Variants in CPD observed in about 807,000 individuals in gnomAD.
CPD encodes metallocarboxypeptidase D.
A neutral mutation model predicts 138.3 loss-of-function variants in CPD; 69 were observed. The ratio of observed to expected loss-of-function variants is 0.50; its 90% CI spans 0.41 to 0.61. The LOEUF (loss-of-function observed/expected upper bound fraction) is 0.61, where lower values mean the gene tolerates loss of function less well. Ranked by LOEUF, CPD falls within the 20% of genes least tolerant of loss-of-function variation. The probability of loss-of-function intolerance (pLI) is 0.00; values close to 1 mark genes in which losing one functional copy is unlikely to be tolerated. For missense variants in CPD, 1,432 were observed against 1,733.3 expected (o/e 0.83, Z 3.09); for synonymous variants, 651 against 642.1 (o/e 1.01, Z -0.21).
At chr17:30,417,453 G>C (rs543279760) in intron 2 of CPD, among the ~76,000 whole-genome samples, 16 of 152,214 alleles carry the variant, frequency 1.1e-4, no homozygotes, top group African/African-American at 3.1e-4. Context: ...GGGTATTTCT[G>C]TCTAAATATT....
Position 30,468,060 on chromosome 17 carries a change from G to A in CPD, c.*3246G>A, listed in dbSNP as rs1027058114. The stretch of plus-strand genomic sequence containing the variant: ...GCTAAAATTTTGGGGATATGATTTG[G>A]GTCTTTGATTAATGTCAGCTGAACT... On this transcript the variant is annotated 3_prime_UTR_variant, in exon 21 of 21. Coordinates refer to ENST00000225719, the MANE Select transcript of CPD (RefSeq NM_001304.5). 1 of 151,986 alleles carries A rather than the reference G, an allele frequency of 6.6e-6. No homozygotes were observed. Among genetic ancestry groups the A allele is most frequent in the Non-Finnish European group, 1.5e-5 (1 of 67,940 alleles). The allele number at this position is 151,986 out of a possible 1,614,324, so 9.4% of individuals were successfully genotyped here. A position where few individuals can be genotyped will look rare whatever the true frequency, so the allele number is the denominator to read the frequency against.
In CPD at chr17:30,449,570, A is replaced by T; in HGVS notation, c.2891A>T (p.Glu964Val). ...TNLTNLGQST[E>V]YRHIWSLEIS... ...TTTGAAAGTTTGGGACAGAGCACTG[A>T]ATATCGTCACATTTGGTCCCTTGAA... Residue 964 changes from glutamate (E) to valine (V), a missense_variant, in exon 13 of 21, where the codon GAA becomes GTA. Around this residue, in one of 6 missense-constraint regions of CPD, gnomAD observed 366 missense variants for 518.8 expected, o/e 0.71. Transcript: ENST00000225719. The T allele has an allele frequency of 3.1e-6, 5 of 1,598,838 alleles. No individual in the cohort carries two copies. Among genetic ancestry groups the T allele is most frequent in the Non-Finnish European group, 4.3e-6 (5 of 1,176,234 alleles).
At chr17:30,462,235 A>AT in intron 19 of CPD, 135 bp from the exon 20 acceptor site, 1 of 1,049,522 alleles carries the variant, frequency 9.5e-7, no homozygotes, top group Non-Finnish European at 1.4e-6. Context: ...AAAAGGGAAA[A>AT]TTTTCTAGCA....
intron 2 of CPD, among the ~76,000 whole-genome samples, chr17:30,397,128 T>A (rs1445566511): frequency 6.6e-6 from 1 of 152,186 alleles, no homozygotes; most frequent in Non-Finnish European, 1.5e-5. Context: ...CAATTTTTCT[T>A]TGAAAGATGT....
At chr17:30,382,317 C>T (rs1165708496) in intron 1 of CPD, among the ~76,000 whole-genome samples, 1 of 151,988 alleles carries the variant, frequency 6.6e-6, no homozygotes, top group Non-Finnish European at 1.5e-5. Flanking sequence ...TTTATAAACT[C>T]ATTTGTAATA....
chr17:30,413,086 T>C (rs1317348137), intron 2 of CPD, among the ~76,000 whole-genome samples: 2 of 152,220 alleles, frequency 1.3e-5, no homozygotes, highest in Admixed American at 1.3e-4. Context: ...CTCTAAACTC[T>C]GGATGGAAGT....
In CPD at chr17:30,468,371, T is replaced by G; in HGVS notation, c.*3557T>G. ...TTCTGGAGGTATGACAATAGTATTTTTTTATGCTCAGATTAAAAATCAGCT... is the reference window on the plus strand; with the variant it reads ...TTCTGGAGGTATGACAATAGTATTTGTTTATGCTCAGATTAAAAATCAGCT... On this transcript the variant is annotated 3_prime_UTR_variant, in exon 21 of 21. Coordinates refer to ENST00000225719, the MANE Select transcript of CPD (RefSeq NM_001304.5). 6.5e-6 allele frequency: 1 copy of G among 152,730 alleles called. No individual in the cohort carries two copies. 9.5% of individuals were successfully genotyped at this position (152,730 alleles called of 1,614,324 possible).
chr17:30,415,338 A>G (rs1000507087), intron 2 of CPD, among the ~76,000 whole-genome samples: 3 of 152,182 alleles, frequency 2.0e-5, no homozygotes, highest in African/African-American at 7.2e-5. Context: ...TAATTGTATC[A>G]CACCTCTGTG....
intron 1 of CPD, among the ~76,000 whole-genome samples, chr17:30,382,171 T>G (rs1911066928): frequency 6.6e-6 from 1 of 152,164 alleles, no homozygotes; most frequent in East Asian, 1.9e-4. Context: ...TGGGGGCTTA[T>G]GTATACATAT....
At chr17:30,418,126 A>C (rs928006495) in intron 2 of CPD, among the ~76,000 whole-genome samples, 1 of 151,976 alleles carries the variant, frequency 6.6e-6, no homozygotes, top group African/African-American at 2.4e-5. Flanking sequence ...TCTTCCCTCA[A>C]CTCCAAAATT....
intron 2 of CPD, among the ~76,000 whole-genome samples, chr17:30,392,785 A>C (rs1037751808): frequency 1.2e-4 from 18 of 152,196 alleles, no homozygotes; most frequent in African/African-American, 4.3e-4. Flanking sequence ...TATATGTTTC[A>C]GTTATTTGCA....
intron 9 of CPD, among the ~76,000 whole-genome samples, chr17:30,439,548 T>C (rs1475731796): frequency 9.1e-6 from 1 of 110,320 alleles, no homozygotes; most frequent in Non-Finnish European, 1.8e-5. Flanking sequence ...CCCAATGCTA[T>C]CCCTCCCCCC....
At chr17:30,404,147 G>T (rs774321400) in intron 2 of CPD, among the ~76,000 whole-genome samples, 5 of 152,084 alleles carry the variant, frequency 3.3e-5, no homozygotes, top group Non-Finnish European at 7.4e-5. Flanking sequence ...TATTGTGGTG[G>T]TAGTTATGTG....
intron 17 of CPD, among the ~76,000 whole-genome samples, chr17:30,457,368 G>T (rs1913328326): frequency 6.6e-6 from 1 of 151,938 alleles, no homozygotes; most frequent in Admixed American, 6.6e-5. Context: ...TGTGTCAATG[G>T]GCACTTGGAT....
At chr17:30,384,934 G>T in intron 1 of CPD, 55 bp from the exon 2 acceptor site, 2 of 1,564,330 alleles carry the variant, frequency 1.3e-6, no homozygotes, top group Non-Finnish European at 1.7e-6. Flanking sequence ...TTTTTTTAAT[G>T]CATGGTGTTT....
intron 11 of CPD, 34 bp from the exon 12 acceptor site, chr17:30,445,657 G>A (rs748543285): frequency 2.7e-6 from 4 of 1,462,382 alleles, no homozygotes; most frequent in Non-Finnish European, 3.7e-6. Flanking sequence ...TCCAGCTGCA[G>A]GAGTGTGGTT....
chr17:30,464,347 G>A (rs1330423285), intron 20 of CPD, among the ~76,000 whole-genome samples: 1 of 152,148 alleles, frequency 6.6e-6, no homozygotes, highest in Non-Finnish European at 1.5e-5. Flanking sequence ...TGATCTCTGG[G>A]TAATGGAAAT....
intron 2 of CPD, among the ~76,000 whole-genome samples, chr17:30,401,414 C>CTCTTCCTCCTCTTCCTCTTCT (rs1911665484): frequency 6.9e-6 from 1 of 145,204 alleles, no homozygotes; most frequent in Non-Finnish European, 1.5e-5. Flanking sequence ...CCTCTTCTTC[C>CTCTTCCTCCTCTTCCTCTTCT]TCTTCCTCCT....
At chr17:30,402,377 C>G (rs1911697015) in intron 2 of CPD, among the ~76,000 whole-genome samples, 1 of 152,092 alleles carries the variant, frequency 6.6e-6, no homozygotes, top group South Asian at 2.1e-4. Context: ...ACCAGCCTGG[C>G]CAACATGGTG....
Sources: gnomAD v4.1 joint callset for allele counts (sites outside exome capture counted in the v4.1 genomes callset) on GRCh38, gnomAD v4.1.1 for gene constraint, gnomAD v4.1.1 regional missense constraint, MANE v1.5 for transcripts, NCBI Gene and HGNC (gene_info 2026-07-23, HGNC 2026-07-21) for gene names.